Variants in MYT1L observed in about 807,000 individuals in gnomAD.
The protein encoded by MYT1L is myelin transcription factor 1-like protein.
Under a neutral mutation model 126.7 loss-of-function variants are expected in MYT1L, and 12 were observed. The observed-to-expected ratio is 0.09, with a 90% CI of 0.06 to 0.15. MYT1L has a LOEUF of 0.15. Ranked by LOEUF, MYT1L falls within the 10% of genes least tolerant of loss-of-function variation. The probability of loss-of-function intolerance (pLI) is 1.00; values close to 1 mark genes in which losing one functional copy is unlikely to be tolerated. For missense variants in MYT1L, 979 were observed against 1,585.2 expected (o/e 0.62, Z 6.49); for synonymous variants, 541 against 604.2 (o/e 0.90, Z 1.53).
chr2:2,200,491 C>T (rs898168080), intron 2 of MYT1L, among the ~76,000 whole-genome samples: 4 of 152,196 alleles, frequency 2.6e-5, no homozygotes, highest in South Asian at 2.1e-4. Flanking sequence ...TCCTCCTACA[C>T]GACTGCTGTG....
chr2:2,110,214 C>T (rs2079262739), intron 3 of MYT1L, among the ~76,000 whole-genome samples: 1 of 151,904 alleles, frequency 6.6e-6, no homozygotes, highest in Admixed American at 6.6e-5. Flanking sequence ...AATTCTAAAA[C>T]CTGCCCCTAT....
At position 1,793,022 on chromosome 2, in the gene MYT1L, A is replaced by AT. The variant is rs1277758487; in HGVS notation, c.3277-559dup. On this transcript the variant is annotated intron_variant, in intron 23 of 24. Coordinates refer to ENST00000647738, the MANE Select transcript of MYT1L (RefSeq NM_001303052.2). This position sits in a 1 kb window ranked among gnomAD's most constrained non-coding sequence, Gnocchi z 4.6. ...CGATCCTGTTCTCTCAGCCGGCCTG[A>AT]TGGGACTGCAGTGTGTAGGGGGCTT... 2.0e-5 allele frequency among the ~76,000 whole-genome samples: 3 copies of AT among 152,108 alleles called. No individual in the cohort carries two copies. Among genetic ancestry groups the AT allele is most frequent in the Non-Finnish European group, 4.4e-5 (3 of 68,032 alleles).
chr2:2,200,752 AGCAATG>A (rs1334979303), intron 2 of MYT1L, among the ~76,000 whole-genome samples: 1 of 152,222 alleles, frequency 6.6e-6, no homozygotes, highest in Non-Finnish European at 1.5e-5. Context: ...CTCGAATGCC[AGCAATG>A]GCTGAGAAAG....
At chr2:2,305,874 A>G (rs986456599) in intron 1 of MYT1L, 1 of 152,190 alleles carries the variant, frequency 6.6e-6, no homozygotes, top group Non-Finnish European at 1.5e-5. Context: ...TCCCTCTCCA[A>G]CACTGATGAT....
chr2:2,306,333 G>A (rs1301213402), intron 1 of MYT1L, among the ~76,000 whole-genome samples: 1 of 152,090 alleles, frequency 6.6e-6, no homozygotes, highest in Non-Finnish European at 1.5e-5. Flanking sequence ...TTTTTAAGTG[G>A]TATCAAATGG....
chr2:1,990,974 G>A (rs943046042), intron 5 of MYT1L, among the ~76,000 whole-genome samples: 7 of 152,220 alleles, frequency 4.6e-5, no homozygotes, highest in Admixed American at 6.5e-5. Context: ...TCCTTTGTGG[G>A]CTAAGCTCAT....
At chr2:1,942,025 T>A (rs1411522522) in intron 9 of MYT1L, among the ~76,000 whole-genome samples, 1 of 152,178 alleles carries the variant, frequency 6.6e-6, no homozygotes, top group Non-Finnish European at 1.5e-5. Flanking sequence ...AAATTAGTTC[T>A]CCTGGTAATC....
Position 2,150,439 on chromosome 2 carries a change from A to G in MYT1L, c.-304+22433T>C, listed in dbSNP as rs572311577. 9.4e-4 allele frequency among the ~76,000 whole-genome samples: 143 copies of G among 152,354 alleles called. 2 individuals carry two copies. The South Asian group carries it at 0.029, about 31-fold the overall frequency. ...AGTTTTCCATCTACTGCAGTAAGTT[A>G]CATAACTTGAAAAAAATAAGTCAGT... On this transcript the variant is annotated intron_variant, in intron 3 of 24. Coordinates refer to ENST00000647738, the MANE Select transcript of MYT1L (RefSeq NM_001303052.2).
intron 4 of MYT1L, among the ~76,000 whole-genome samples, chr2:2,008,089 C>T (rs2063496776): frequency 6.6e-6 from 1 of 152,124 alleles, no homozygotes; most frequent in Non-Finnish European, 1.5e-5. Flanking sequence ...TCCATGTGGA[C>T]CCCCCAATAG....
intron 3 of MYT1L, among the ~76,000 whole-genome samples, chr2:2,158,155 C>T (rs1243430194): frequency 6.7e-6 from 1 of 149,818 alleles, no homozygotes; most frequent in African/African-American, 2.5e-5. Flanking sequence ...CATGTGCAGA[C>T]ACACCGAGAC....
chr2:2,272,775 G>A (rs77104443), intron 2 of MYT1L, among the ~76,000 whole-genome samples: 9,089 of 152,184 alleles, frequency 0.06, 340 homozygotes, highest in South Asian at 0.17. Context: ...TGAGCAAATG[G>A]CACTTTCATT....
intron 3 of MYT1L, among the ~76,000 whole-genome samples, chr2:2,103,134 T>A (rs2078304681): frequency 1.3e-5 from 2 of 152,064 alleles, no homozygotes; most frequent in South Asian, 4.1e-4. Flanking sequence ...AGCCTGCATG[T>A]TTCCCTCTAA....
chr2:2,107,604 T>C (rs1481177039), intron 3 of MYT1L, among the ~76,000 whole-genome samples: 1 of 152,208 alleles, frequency 6.6e-6, no homozygotes, highest in African/African-American at 2.4e-5. Flanking sequence ...ACGGAGTTTT[T>C]TTTTTATGTT....
intron 8 of MYT1L, among the ~76,000 whole-genome samples, chr2:1,948,071 T>G (rs187206289): frequency 4.3e-4 from 65 of 152,338 alleles, no homozygotes; most frequent in Non-Finnish European, 8.5e-4. Flanking sequence ...GCTTTACATG[T>G]TTTAAATTTC....
intron 23 of MYT1L, among the ~76,000 whole-genome samples, chr2:1,797,509 T>C (rs907526326): frequency 5.6e-4 from 86 of 152,322 alleles, no homozygotes; most frequent in Admixed American, 1.0e-3. Context: ...CGTGAGCCAC[T>C]GTGCCCGGCC....
intron 3 of MYT1L, among the ~76,000 whole-genome samples, chr2:2,157,895 T>C (rs1460098915): frequency 6.6e-6 from 1 of 152,108 alleles, no homozygotes; most frequent in Non-Finnish European, 1.5e-5. Context: ...TAAATTTTCA[T>C]AGCAGACAAC....
chr2:2,245,568 A>T (rs2094519019), intron 2 of MYT1L, among the ~76,000 whole-genome samples: 1 of 151,972 alleles, frequency 6.6e-6, no homozygotes, highest in African/African-American at 2.4e-5. Flanking sequence ...GGTGACAGTG[A>T]CAATCACTTA....
In MYT1L at chr2:1,852,184, C is replaced by A. The variant is rs1446786966; in HGVS notation, c.2712-481G>T. Among the ~76,000 whole-genome samples the A allele has an allele frequency of 6.6e-6, 1 of 152,204 alleles. No individual in the cohort carries two copies. Among genetic ancestry groups the A allele is most frequent in the African/African-American group, 2.4e-5 (1 of 41,458 alleles). ...CACCCCTTCCACAGACTGGCCAGGGCTGCGGCCAGCCTGGGTGGTCCCAGG... is the reference window on the plus strand; with the variant it reads ...CACCCCTTCCACAGACTGGCCAGGGATGCGGCCAGCCTGGGTGGTCCCAGG... On this transcript the variant is annotated intron_variant, in intron 18 of 24. Transcript: ENST00000647738. This position sits in a 1 kb window ranked among gnomAD's most constrained non-coding sequence, Gnocchi z 4.0.
chr2:2,303,456 A>C lies in MYT1L; in HGVS notation c.-520-18953T>G, dbSNP rs554227713. 3.9e-5 allele frequency: 6 copies of C among 152,544 alleles called. No homozygotes were observed. The East Asian group carries it at 1.2e-3, about 29-fold the overall frequency. 9.4% of individuals were successfully genotyped at this position (152,544 alleles called of 1,614,324 possible). ...GCTTATTTTCCAAACATATACAAAG[A>C]CAATGTAGTCAAAACATCTTAAAAT... On this transcript the variant is annotated intron_variant, in intron 1 of 24. Coordinates refer to ENST00000647738, the MANE Select transcript of MYT1L (RefSeq NM_001303052.2).
Sources: gnomAD v4.1 joint callset for allele counts (sites outside exome capture counted in the v4.1 genomes callset) on GRCh38, gnomAD v4.1.1 for gene constraint, Gnocchi (gnomAD v3.1) non-coding constraint, MANE v1.5 for transcripts, NCBI Gene and HGNC (gene_info 2026-07-23, HGNC 2026-07-21) for gene names.